MAPK8IP3: variants seen among roughly 807,000 people sequenced by gnomAD.
The protein encoded by MAPK8IP3 is mitogen-activated protein kinase 8 interacting protein 3.
Under a neutral mutation model 157.8 loss-of-function variants are expected in MAPK8IP3, and 49 were observed. The ratio of observed to expected loss-of-function variants is 0.31; its 90% CI spans 0.25 to 0.39. MAPK8IP3 has a LOEUF of 0.39. MAPK8IP3 is among the 10% of genes least tolerant of loss of function. MAPK8IP3 has a pLI of 1.00. For missense variants in MAPK8IP3, 1,478 were observed against 1,889.4 expected (o/e 0.78, Z 4.04); for synonymous variants, 897 against 777.7 (o/e 1.15, Z -2.55).
rs140232396 is a variant in MAPK8IP3, at chr16:1,736,759, C to T, written c.603-6573C>T. On this transcript the variant is annotated intron_variant, in intron 4 of 31. Transcript: ENST00000610761. ...GCGTGTGACCATCCATGTGAGCATC[C>T]GTGTGACCGTCTGTGTGACCATCCG... Among the ~76,000 whole-genome samples the T allele has an allele frequency of 8.7e-3, 484 of 55,626 alleles. 22 individuals carry two copies. Among genetic ancestry groups the T allele is most frequent in the African/African-American group, 0.028 (294 of 10,398 alleles). 36.5% of individuals were successfully genotyped at this position (55,626 alleles called of 152,430 possible).
chr16:1,726,072 AAATTTGGGAAAG>A (rs1448847583), intron 2 of MAPK8IP3, among the ~76,000 whole-genome samples: 2 of 152,220 alleles, frequency 1.3e-5, no homozygotes, highest in African/African-American at 2.4e-5. Flanking sequence ...AGTTAAGATC[AAATTTGGGAAAG>A]AAACTGTTTT....
At position 1,731,784 on chromosome 16, in the gene MAPK8IP3, T is replaced by C. The variant is rs568000941; in HGVS notation, c.602+2206T>C. On this transcript the variant is annotated intron_variant, in intron 4 of 31. Coordinates refer to ENST00000610761, the MANE Select transcript of MAPK8IP3 (RefSeq NM_001318852.2). ...TTGAGGATTTGAGATCACAATCTTA[T>C]ACGCGTACCTGCATGTGTACATATT... Among the ~76,000 whole-genome samples the C allele has an allele frequency of 7.9e-5, 12 of 152,338 alleles. No individual in the cohort carries two copies. The East Asian group carries it at 1.9e-3, about 24-fold the overall frequency.
In MAPK8IP3 at chr16:1,768,274, G is replaced by A. The variant is rs1271634017; in HGVS notation, c.3638G>A (p.Ser1213Asn). The change falls in exon 30 of 32, where the codon AGT becomes AAT. Residue 1213 changes from serine to asparagine, a missense_variant. By Grantham distance (46) the Ser-to-Asn change is conservative. Coordinates refer to ENST00000610761, the MANE Select transcript of MAPK8IP3 (RefSeq NM_001318852.2). ...GIIHVYGDDSSDRAASSFIPY... is the reference protein window; with the variant it reads ...GIIHVYGDDSNDRAASSFIPY... Reference sequence around the variant, plus strand: ...ATCCACGTGTATGGCGATGACAGCAGTGACAGGGCGGCCAGCAGCTTCATC... The same window carrying A: ...ATCCACGTGTATGGCGATGACAGCAATGACAGGGCGGCCAGCAGCTTCATC... 1 of 1,611,816 alleles carries A rather than the reference G, an allele frequency of 6.2e-7. No individual in the cohort carries two copies. The highest frequency in any genetic ancestry group is 8.5e-7 in the Non-Finnish European group (1 of 1,179,992).
At position 1,766,964 on chromosome 16, in the gene MAPK8IP3, T is replaced by C. The variant is rs1292817162; in HGVS notation, c.3081T>C (p.Arg1027=). Residue 1027 remains arginine (R), a synonymous_variant, in exon 25 of 32, where the codon CGT becomes CGC. Coordinates refer to ENST00000610761, the MANE Select transcript of MAPK8IP3 (RefSeq NM_001318852.2). ...ACGGGACCCTGGCCATCTTCCACCG[T>C]GGTGAAGGTGGGGCCTGGCAGCACG... ...LADGTLAIFH[R]GEDGQWDLSN... 1 of 1,587,010 alleles carries C rather than the reference T, an allele frequency of 6.3e-7. No homozygotes were observed. Among genetic ancestry groups the C allele is most frequent in the East Asian group, 2.2e-5 (1 of 44,582 alleles).
At chr16:1,716,780 C>G (rs1168326233) in intron 1 of MAPK8IP3, among the ~76,000 whole-genome samples, 3 of 151,912 alleles carry the variant, frequency 2.0e-5, no homozygotes, top group Admixed American at 2.0e-4. Context: ...CAGGTATGAC[C>G]AGGCGCAGTG....
intron 10 of MAPK8IP3, 141 bp from the exon 11 acceptor site, chr16:1,759,817 C>G: frequency 1.4e-6 from 1 of 719,260 alleles, no homozygotes; most frequent in South Asian, 1.7e-5. Flanking sequence ...CCGCCCTTCA[C>G]GGCCCCCGCT....
intron 5 of MAPK8IP3, 38 bp from the exon 6 acceptor site, chr16:1,746,991 A>G (rs1283540467): frequency 3.1e-6 from 5 of 1,605,134 alleles, no homozygotes; most frequent in Non-Finnish European, 3.4e-6. Context: ...AGGGACCTGC[A>G]GTGACTCGCT....
intron 4 of MAPK8IP3, among the ~76,000 whole-genome samples, chr16:1,740,138 G>T (rs1163176422): frequency 7.4e-6 from 1 of 134,436 alleles, no homozygotes; most frequent in East Asian, 2.3e-4. Flanking sequence ...GTGACTGTCC[G>T]TGTGAGCTTC....
In MAPK8IP3 at chr16:1,767,546, G is replaced by A. The variant is rs557032850; in HGVS notation, c.3238-18G>A. Reference sequence around the variant, plus strand: ...CTCCTCTCCCCAGCCCTGTTGATGGGCAGCCATGACTCCACAGAAGTCATT... The same window carrying A: ...CTCCTCTCCCCAGCCCTGTTGATGGACAGCCATGACTCCACAGAAGTCATT... On this transcript the variant is annotated intron_variant, in intron 26 of 31. Transcript: ENST00000610761. 1.2e-6 allele frequency: 2 copies of A among 1,606,802 alleles called. No individual in the cohort carries two copies. Among genetic ancestry groups the A allele is most frequent in the South Asian group, 1.1e-5 (1 of 90,810 alleles).
intron 16 of MAPK8IP3, 131 bp downstream of exon 16, chr16:1,763,137 G>A (rs1278000349): frequency 3.3e-6 from 4 of 1,202,738 alleles, no homozygotes; most frequent in South Asian, 2.8e-5. Flanking sequence ...CATGCCAGGG[G>A]CCGTGACCTC....
rs2037714075 is a variant in MAPK8IP3 at position 1,710,649 on chromosome 16, C to T, written c.318+3992C>T. Among the ~76,000 whole-genome samples the T allele has an allele frequency of 6.6e-6, 1 of 152,160 alleles. No individual in the cohort carries two copies. The highest frequency in any genetic ancestry group is 1.5e-5 in the Non-Finnish European group (1 of 68,038). ...CCAGACGATCTGCAGGAAGTCTTTT[C>T]CATCAATGAATTAAGATGCTGAATC... On this transcript the variant is annotated intron_variant, in intron 1 of 31. Transcript: ENST00000610761. This position sits in a 1 kb window ranked among gnomAD's most constrained non-coding sequence, Gnocchi z 4.1.
chr16:1,743,807 C>T lies in MAPK8IP3; in HGVS notation c.747+331C>T. ...AGCTTAGTGATCCTCTCTCAAACCA[C>T]ACCCCCACATAAAGCCTCATGCTCA... On this transcript the variant is annotated intron_variant, in intron 5 of 31. Coordinates refer to ENST00000610761, the MANE Select transcript of MAPK8IP3 (RefSeq NM_001318852.2). The surrounding 1 kb of genome is among the most constrained non-coding windows in gnomAD (Gnocchi z 5.6). 1.6e-6 allele frequency: 2 copies of T among 1,219,398 alleles called. No homozygotes were observed. Among genetic ancestry groups the T allele is most frequent in the Non-Finnish European group, 2.0e-6 (2 of 976,034 alleles). 75.5% of individuals were successfully genotyped at this position (1,219,398 alleles called of 1,614,324 possible). A position where few individuals can be genotyped will look rare whatever the true frequency, so the allele number is the denominator to read the frequency against.
rs1339325297 is a variant in MAPK8IP3 at position 1,767,152 on chromosome 16, G to C, written c.3092G>C (p.Gly1031Ala). The C allele has an allele frequency of 6.2e-7, 1 of 1,613,028 alleles. No individual in the cohort carries two copies. The highest frequency in any genetic ancestry group is 1.7e-5 in the Admixed American group (1 of 60,024). The change falls in exon 26 of 32, where the codon GGC (glycine) becomes GCC (alanine). Residue 1031 changes from glycine (G) to alanine (A), a missense_variant. Physicochemically the swap from Gly to Ala is moderately conservative, Grantham distance 60 (BLOSUM62 0). Around this residue, in one of 11 missense-constraint regions of MAPK8IP3, gnomAD observed 669 missense variants for 759.8 expected, o/e 0.88. Coordinates refer to ENST00000610761, the MANE Select transcript of MAPK8IP3 (RefSeq NM_001318852.2). Reference protein sequence around the residue: ...TLAIFHRGEDGQWDLSNYHLM... With the variant: ...TLAIFHRGEDAQWDLSNYHLM... Reference sequence around the variant, plus strand: ...AGGTGTCCGGGGCTCCCTCCAGATGGCCAGTGGGATCTGAGCAACTATCAC... The same window carrying C: ...AGGTGTCCGGGGCTCCCTCCAGATGCCCAGTGGGATCTGAGCAACTATCAC...
chr16:1,759,070 C>T, intron 10 of MAPK8IP3, 75 bp downstream of exon 10: 1 of 1,587,230 alleles, frequency 6.3e-7, no homozygotes, highest in South Asian at 1.1e-5. Flanking sequence ...GAGCCGTTTG[C>T]TTTGTTCTGC....
chr16:1,766,790 G>C lies in MAPK8IP3; in HGVS notation c.3007G>C (p.Val1003Leu), dbSNP rs1352631971. 1 of 1,612,790 alleles carries C rather than the reference G, an allele frequency of 6.2e-7. No individual in the cohort carries two copies. Among genetic ancestry groups the C allele is most frequent in the Admixed American group, 1.7e-5 (1 of 60,028 alleles). The change falls in exon 24 of 32, where the codon GTG becomes CTG. Residue 1003 changes from valine (V) to leucine (L), a missense_variant. By Grantham distance (32) the Val-to-Leu change is conservative. Coordinates refer to ENST00000610761, the MANE Select transcript of MAPK8IP3 (RefSeq NM_001318852.2). ...CLHSIKLKDS[V>L]LSLVHVKGRV... ...GCACTCCATCAAGCTGAAGGATTCT[G>C]TGCTGAGCCTGGTGTGGGTGACCCC... is the stretch of plus-strand genomic sequence containing the variant.
intron 4 of MAPK8IP3, among the ~76,000 whole-genome samples, chr16:1,738,536 GTCCGTGTGAGCA>G (rs1480779911): frequency 8.0e-6 from 1 of 125,234 alleles, no homozygotes; most frequent in Admixed American, 8.7e-5. Flanking sequence ...CTGTGTGACT[GTCCGTGTGAGCA>G]TCCGTGTGAG....
rs553978432 is a variant in MAPK8IP3 at position 1,708,755 on chromosome 16, A to G, written c.318+2098A>G. ...GGGAGCCGAGCCCCGAAGCCAGCCA[A>G]TGCTTGGCCAGCATGGAGGCTATGA... On this transcript the variant is annotated intron_variant, in intron 1 of 31. Coordinates refer to ENST00000610761, the MANE Select transcript of MAPK8IP3 (RefSeq NM_001318852.2). Among the ~76,000 whole-genome samples, 4 of 152,162 alleles carry G rather than the reference A, an allele frequency of 2.6e-5. No individual in the cohort carries two copies. The South Asian group carries it at 6.2e-4, about 24-fold the overall frequency.
In MAPK8IP3 at chr16:1,766,980, T is replaced by C; in HGVS notation, c.3088+9T>C. On this transcript the variant is annotated intron_variant, in intron 25 of 31. Coordinates refer to ENST00000610761, the MANE Select transcript of MAPK8IP3 (RefSeq NM_001318852.2). ...CTTCCACCGTGGTGAAGGTGGGGCC[T>C]GGCAGCACGGGGTGTGTGGGTGGCA... 1 of 1,581,520 alleles carries C rather than the reference T, an allele frequency of 6.3e-7. No homozygotes were observed. Among genetic ancestry groups the C allele is most frequent in the African/African-American group, 1.3e-5 (1 of 74,576 alleles).
At chr16:1,735,803 CTG>C (rs1183920686) in intron 4 of MAPK8IP3, among the ~76,000 whole-genome samples, 1 of 138,868 alleles carries the variant, frequency 7.2e-6, no homozygotes, top group Non-Finnish European at 1.5e-5. Context: ...ATGTGAGCAT[CTG>C]TGTGACCATC....
Sources: allele counts gnomAD v4.1 joint callset (sites outside exome capture counted in the v4.1 genomes callset), GRCh38; gene constraint gnomAD v4.1.1; regional missense constraint gnomAD v4.1.1; non-coding constraint Gnocchi (gnomAD v3.1); transcripts MANE v1.5; gene names NCBI Gene and HGNC (gene_info 2026-07-23, HGNC 2026-07-21).